The following LRP12 variants were observed in gnomAD, a reference collection of about 807,000 sequenced individuals.
The protein encoded by LRP12 is low-density lipoprotein receptor-related protein 12.
In LRP12, 14 loss-of-function variants were observed where a neutral mutation model predicts 66.0. The ratio of observed to expected loss-of-function variants is 0.21; its 90% confidence interval spans 0.14 to 0.33. LRP12 has a LOEUF of 0.33. Among genes scored for constraint, LRP12 ranks in the 10% least tolerant of loss-of-function variants. The pLI, the probability that LRP12 is intolerant of heterozygous loss-of-function variation, is 1.00. For synonymous variants in LRP12, 357 were observed against 359.1 expected (o/e 0.99, Z 0.07); for missense variants, 889 against 1,053.4 (o/e 0.84, Z 2.16).
At chr8:104,575,429 C>T (rs370672296) in intron 1 of LRP12, among the ~76,000 whole-genome samples, 4 of 152,300 alleles carry the variant, frequency 2.6e-5, no homozygotes, top group African/African-American at 4.8e-5. Context: ...CAGTGGATTT[C>T]GAAGCCTTGA....
At chr8:104,502,696 C>T (rs1810847754) in intron 3 of LRP12, among the ~76,000 whole-genome samples, 1 of 152,166 alleles carries the variant, frequency 6.6e-6, no homozygotes, top group East Asian at 1.9e-4. Context: ...TATTACTCTC[C>T]AGAGCCTTCA....
chr8:104,500,320 A>T (rs1181033034), intron 3 of LRP12, among the ~76,000 whole-genome samples: 1 of 152,240 alleles, frequency 6.6e-6, no homozygotes, highest in Non-Finnish European at 1.5e-5. Flanking sequence ...GGATTATTAT[A>T]CCAGAATGTT....
chr8:104,548,938 AAAATAAAT>A (rs558517655), intron 1 of LRP12, among the ~76,000 whole-genome samples: 12 of 151,292 alleles, frequency 7.9e-5, no homozygotes, highest in Non-Finnish European at 1.8e-4. Flanking sequence ...AACTCCGTCA[AAAATAAAT>A]AAATAAATAA....
chr8:104,519,266 G>A (rs1377581956), intron 2 of LRP12, among the ~76,000 whole-genome samples: 1 of 152,040 alleles, frequency 6.6e-6, no homozygotes, highest in Non-Finnish European at 1.5e-5. Context: ...TCAACATTTT[G>A]AGGATGGACA....
chr8:104,588,086 T>C (rs972611566), intron 1 of LRP12, among the ~76,000 whole-genome samples: 1 of 152,184 alleles, frequency 6.6e-6, no homozygotes, highest in Admixed American at 6.5e-5. Context: ...ACCCGATCCA[T>C]CGACTGGAAT....
chr8:104,566,392 G>T, intron 1 of LRP12: 1 of 261,024 alleles, frequency 3.8e-6, no homozygotes, highest in East Asian at 9.3e-5. Flanking sequence ...GGAGCCTTAG[G>T]GGAAGAGCCT....
chr8:104,503,099 T>A (rs1810853227), intron 3 of LRP12, among the ~76,000 whole-genome samples: 1 of 152,014 alleles, frequency 6.6e-6, no homozygotes, highest in South Asian at 2.1e-4. Flanking sequence ...TTGCTTTATG[T>A]TTAGTGCATT....
At chr8:104,555,174 A>G (rs1165346502) in intron 1 of LRP12, among the ~76,000 whole-genome samples, 2 of 152,198 alleles carry the variant, frequency 1.3e-5, no homozygotes, top group East Asian at 3.8e-4. Context: ...ACCTCCTTAA[A>G]CCATACATCT....
chr8:104,577,595 G>T (rs910602886), intron 1 of LRP12, among the ~76,000 whole-genome samples: 1 of 152,132 alleles, frequency 6.6e-6, no homozygotes, highest in Non-Finnish European at 1.5e-5. Flanking sequence ...CAGATCACGA[G>T]GTCAGGAGAT....
In LRP12 at chr8:104,490,857, G is replaced by A; in HGVS notation, c.2396C>T (p.Ala799Val). ...NDCSRPLLDL[A>V]SDQGQGLRQP... ...TCTAAGCCCTTGTCCTTGATCTGAG[G>A]CAAGATCAAGAAGAGGTCTGGAGCA... The change falls in exon 7 of 7, where the codon GCC becomes GTC. Residue 799 changes from alanine (A) to valine (V), a missense_variant. By Grantham distance (64) the Ala-to-Val change is moderately conservative. This residue lies in a region of LRP12 where 800 missense variants were observed against 964.5 expected (regional missense o/e 0.83). Transcript: ENST00000276654. 1 of 1,613,954 alleles carries A rather than the reference G, an allele frequency of 6.2e-7. No individual in the cohort carries two copies. The highest frequency in any genetic ancestry group is 8.5e-7 in the Non-Finnish European group (1 of 1,179,902).
At chr8:104,505,822 T>G (rs1810898670) in intron 3 of LRP12, 1 of 152,168 alleles carries the variant, frequency 6.6e-6, no homozygotes, top group Non-Finnish European at 1.5e-5. Flanking sequence ...GAAACACACT[T>G]TTTTTCTAAC....
intron 2 of LRP12, among the ~76,000 whole-genome samples, chr8:104,518,648 T>C (rs1205572636): frequency 2.0e-5 from 3 of 152,114 alleles, no homozygotes; most frequent in Non-Finnish European, 4.4e-5. Flanking sequence ...CTTCTAAAGA[T>C]TGATTCCTTA....
chr8:104,587,931 T>C (rs1425905976), intron 1 of LRP12, among the ~76,000 whole-genome samples: 1 of 152,222 alleles, frequency 6.6e-6, no homozygotes, highest in Non-Finnish European at 1.5e-5. Flanking sequence ...CTAAGAACGG[T>C]GAAGTCAGAA....
intron 1 of LRP12, among the ~76,000 whole-genome samples, chr8:104,587,400 G>A (rs1812350466): frequency 6.6e-6 from 1 of 152,118 alleles, no homozygotes; most frequent in Admixed American, 6.5e-5. Flanking sequence ...AGGGATTACA[G>A]CCACTTGATG....
At chr8:104,585,859 G>A (rs756961278) in intron 1 of LRP12, among the ~76,000 whole-genome samples, 15 of 152,212 alleles carry the variant, frequency 9.9e-5, no homozygotes, top group Non-Finnish European at 2.9e-5. Flanking sequence ...TGTGGTTTAG[G>A]AGGTGAGCAA....
intron 2 of LRP12, among the ~76,000 whole-genome samples, chr8:104,519,906 A>T (rs1811122257): frequency 6.6e-6 from 1 of 152,088 alleles, no homozygotes; most frequent in Non-Finnish European, 1.5e-5. Flanking sequence ...AAAATATTTT[A>T]CTTGGCTATC....
In LRP12 at chr8:104,541,456, A is replaced by T. The variant is rs1169503413; in HGVS notation, c.80-9493T>A. ...GTTTGAAAGAATTCAGAACGCCAGG[A>T]AAAAAAATTACACACCTATATTTCT... On this transcript the variant is annotated intron_variant, in intron 1 of 6. Coordinates refer to ENST00000276654, the MANE Select transcript of LRP12 (RefSeq NM_013437.5). Among the ~76,000 whole-genome samples the T allele has an allele frequency of 8.5e-5, 13 of 152,270 alleles. No individual in the cohort carries two copies. The East Asian group carries it at 2.5e-3, about 29-fold the overall frequency.
chr8:104,503,324 C>CCG (rs1810857043), intron 3 of LRP12, among the ~76,000 whole-genome samples: 1 of 78,278 alleles, frequency 1.3e-5, no homozygotes, highest in Admixed American at 2.1e-4. Flanking sequence ...GAGACTGTGT[C>CCG]TCTCAAAAAA....
chr8:104,588,004 C>G (rs1411415835), intron 1 of LRP12, among the ~76,000 whole-genome samples: 1 of 152,228 alleles, frequency 6.6e-6, no homozygotes, highest in Non-Finnish European at 1.5e-5. Flanking sequence ...AGCTCTTGCT[C>G]AGACCCCAAC....
Sources: allele counts gnomAD v4.1 joint callset (sites outside exome capture counted in the v4.1 genomes callset), GRCh38; gene constraint gnomAD v4.1.1; regional missense constraint gnomAD v4.1.1; transcripts MANE v1.5; gene names NCBI Gene and HGNC (gene_info 2026-07-23, HGNC 2026-07-21).